THSD4: variants seen among roughly 807,000 people sequenced by gnomAD.
THSD4 encodes thrombospondin type-1 domain-containing protein 4.
A neutral mutation model predicts 119.0 loss-of-function variants in THSD4; 69 were observed. The ratio of observed to expected loss-of-function variants is 0.58; its 90% CI spans 0.48 to 0.71. The LOEUF (loss-of-function observed/expected upper bound fraction) is 0.71. Ranked by LOEUF, THSD4 falls within the 30% of genes least tolerant of loss-of-function variation. The pLI is 0.00. For synonymous variants in THSD4, 524 were observed against 540.4 expected, an observed-to-expected ratio of 0.97 and a Z score of 0.42; for missense variants, 1,393 against 1,391.1, an observed-to-expected ratio of 1.00 and a Z score of -0.02.
intron 6 of THSD4, among the ~76,000 whole-genome samples, chr15:71,371,312 C>T (rs893536043): frequency 9.2e-5 from 14 of 152,258 alleles, no homozygotes; most frequent in African/African-American, 2.9e-4. Context: ...TGAATTTGAT[C>T]CTGTCATTAT....
chr15:71,723,100 T>A (rs1447996649), intron 8 of THSD4, among the ~76,000 whole-genome samples: 1 of 148,462 alleles, frequency 6.7e-6, no homozygotes, highest in African/African-American at 2.5e-5. Context: ...TAAAAAAAAA[T>A]GGGCAGATAA....
At chr15:71,584,262 C>CTTTTTTTTTTTTTTTTTTT (rs71154789) in intron 7 of THSD4, among the ~76,000 whole-genome samples, 1 of 61,804 alleles carries the variant, frequency 1.6e-5, no homozygotes, top group Non-Finnish European at 2.7e-5. Context: ...TTTTCACTTT[C>CTTTTTTTTTTTTTTTTTTT]TTTTTTTTTT....
At chr15:71,141,373 G>C (rs746874307) in intron 1 of THSD4, 76 bp from the exon 2 acceptor site, 3 of 768,830 alleles carry the variant, frequency 3.9e-6, no homozygotes, top group Non-Finnish European at 6.0e-6. Flanking sequence ...CTCATTTCTG[G>C]TTTTGTTGAC....
chr15:71,478,885 T>G (rs1243666820), intron 7 of THSD4, among the ~76,000 whole-genome samples: 1 of 152,152 alleles, frequency 6.6e-6, no homozygotes, highest in African/African-American at 2.4e-5. Context: ...AGGGACTGTT[T>G]GCTGGTTAAC....
At chr15:71,622,565 C>T (rs556790135) in intron 7 of THSD4, among the ~76,000 whole-genome samples, 3 of 152,290 alleles carry the variant, frequency 2.0e-5, no homozygotes, top group African/African-American at 4.8e-5. Flanking sequence ...ATTATTTACA[C>T]GTGTGATTCA....
At position 71,426,183 on chromosome 15, in the gene THSD4, C is replaced by T. The variant is rs1422094177; in HGVS notation, c.1152+14360C>T. 2.0e-5 allele frequency among the ~76,000 whole-genome samples: 3 copies of T among 152,188 alleles called. No homozygotes were observed. In the East Asian group the frequency reaches 5.8e-4, roughly 29 times the overall value. On this transcript the variant is annotated intron_variant, in intron 7 of 17. Transcript: ENST00000261862. Reference sequence around the variant, plus strand: ...CTCACACTCAGTGTGGGCTTTGACACCTCTTCCCCCAGCTGGGACACCACT... The same window carrying T: ...CTCACACTCAGTGTGGGCTTTGACATCTCTTCCCCCAGCTGGGACACCACT...
chr15:71,597,371 G>A (rs774777962), intron 7 of THSD4, among the ~76,000 whole-genome samples: 3 of 152,010 alleles, frequency 2.0e-5, no homozygotes, highest in African/African-American at 2.4e-5. Context: ...GTACAGGCAC[G>A]TGCACACACA....
chr15:71,640,932 T>C (rs148546839), intron 7 of THSD4, among the ~76,000 whole-genome samples: 246 of 152,152 alleles, frequency 1.6e-3, no homozygotes, highest in Non-Finnish European at 3.0e-3. Context: ...TTCATTAATA[T>C]AACAAGTCAC....
At chr15:71,406,164 A>G (rs1452400081) in intron 6 of THSD4, among the ~76,000 whole-genome samples, 1 of 152,128 alleles carries the variant, frequency 6.6e-6, no homozygotes, top group Non-Finnish European at 1.5e-5. Context: ...CATTATTTAA[A>G]AAGTTACCAA....
At chr15:71,697,098 G>A (rs555181705) in intron 8 of THSD4, among the ~76,000 whole-genome samples, 45 of 152,292 alleles carry the variant, frequency 3.0e-4, no homozygotes, top group African/African-American at 9.9e-4. Context: ...AGCAAAAGGG[G>A]ATGATTCAAG....
chr15:71,370,798 C>T (rs989766712), intron 6 of THSD4, among the ~76,000 whole-genome samples: 3 of 152,134 alleles, frequency 2.0e-5, no homozygotes, highest in African/African-American at 7.2e-5. Flanking sequence ...CTATTAGGTC[C>T]ACTTGGTGCA....
At chr15:71,436,679 A>C (rs2047017076) in intron 7 of THSD4, among the ~76,000 whole-genome samples, 1 of 152,238 alleles carries the variant, frequency 6.6e-6, no homozygotes, top group South Asian at 2.1e-4. Flanking sequence ...CAGATTAATA[A>C]GAAAAAAAAG....
At chr15:71,739,349 TAG>T (rs1303043088) in intron 11 of THSD4, among the ~76,000 whole-genome samples, 1 of 152,058 alleles carries the variant, frequency 6.6e-6, no homozygotes, top group Non-Finnish European at 1.5e-5. Context: ...AAAGAAAAGA[TAG>T]AGTTGTAGGA....
intron 15 of THSD4, among the ~76,000 whole-genome samples, chr15:71,762,562 G>A (rs2053644715): frequency 6.6e-6 from 1 of 152,058 alleles, no homozygotes; most frequent in Non-Finnish European, 1.5e-5. Context: ...CCTGACTTCA[G>A]TCTAGTGTTC....
At chr15:71,685,017 A>G (rs1221760134) in intron 8 of THSD4, among the ~76,000 whole-genome samples, 1 of 152,148 alleles carries the variant, frequency 6.6e-6, no homozygotes, top group Non-Finnish European at 1.5e-5. Flanking sequence ...AGAATTACAT[A>G]TCAAATTCAC....
chr15:71,606,382 G>T (rs2050110175), intron 7 of THSD4, among the ~76,000 whole-genome samples: 1 of 152,134 alleles, frequency 6.6e-6, no homozygotes, highest in Non-Finnish European at 1.5e-5. Context: ...TTTTGCAGCA[G>T]TGTGATAATT....
At chr15:71,547,240 C>G (rs994365574) in intron 7 of THSD4, 1 of 1,405,734 alleles carries the variant, frequency 7.1e-7, no homozygotes, top group East Asian at 2.7e-5. Context: ...TTCTTCAGAA[C>G]AGAGGCTGAG....
At chr15:71,239,737 G>C (rs776965789) in intron 4 of THSD4, among the ~76,000 whole-genome samples, 1 of 152,194 alleles carries the variant, frequency 6.6e-6, no homozygotes, top group Non-Finnish European at 1.5e-5. Context: ...CGCCACATCT[G>C]TACTTATCAT....
chr15:71,717,894 A>G (rs1252838874), intron 8 of THSD4, among the ~76,000 whole-genome samples: 1 of 152,198 alleles, frequency 6.6e-6, no homozygotes, highest in Non-Finnish European at 1.5e-5. Context: ...TATGCCTGTA[A>G]TCCCAGCATT....
Sources: gnomAD v4.1 joint callset for allele counts (sites outside exome capture counted in the v4.1 genomes callset) on GRCh38, gnomAD v4.1.1 for gene constraint, MANE v1.5 for transcripts, NCBI Gene and HGNC (gene_info 2026-07-23, HGNC 2026-07-21) for gene names.